The following NCAM1 variants were observed in gnomAD, a reference collection of about 807,000 sequenced individuals.
NCAM1 encodes antigen recognized by monoclonal antibody 5.1H11.
A neutral mutation model predicts 109.8 loss-of-function variants in NCAM1; 14 were observed. The observed-to-expected ratio is 0.13, with a 90% CI of 0.08 to 0.20. The LOEUF (loss-of-function observed/expected upper bound fraction) is 0.20. NCAM1 is among the 10% of genes least tolerant of loss of function. The pLI, the probability that NCAM1 is intolerant of heterozygous loss-of-function variation, is 1.00. For missense variants in NCAM1, 774 were observed against 1,109.9 expected (o/e 0.70, Z 4.30); for synonymous variants, 418 against 442.9 (o/e 0.94, Z 0.70).
In NCAM1 at chr11:113,113,410, C is replaced by A. The variant is rs182229759; in HGVS notation, c.53-88969C>A. On this transcript the variant is annotated intron_variant, in intron 1 of 19. Coordinates refer to ENST00000316851, the MANE Select transcript of NCAM1 (RefSeq NM_181351.5). ...TGCCCTATAGGAACTTGCCATTGTT[C>A]ATTTGAATTTGTTGACTTTGTTTCT... 4.9e-3 allele frequency among the ~76,000 whole-genome samples: 739 copies of A among 152,252 alleles called. 7 individuals carry two copies. The highest frequency in any genetic ancestry group is 0.026 in the South Asian group (126 of 4,824).
chr11:113,238,905 G>A (rs185709617), intron 14 of NCAM1, among the ~76,000 whole-genome samples: 179 of 152,324 alleles, frequency 1.2e-3, no homozygotes, highest in African/African-American at 3.6e-3. Flanking sequence ...TGTTGCTGCC[G>A]GACTCCTGGG....
intron 2 of NCAM1, among the ~76,000 whole-genome samples, chr11:113,202,880 T>G (rs753469483): frequency 5.3e-5 from 8 of 152,210 alleles, no homozygotes; most frequent in Non-Finnish European, 1.2e-4. Flanking sequence ...AATCTAAGTC[T>G]AAAACTTGCC....
At chr11:113,023,919 A>G (rs148232767) in intron 1 of NCAM1, among the ~76,000 whole-genome samples, 108 of 152,274 alleles carry the variant, frequency 7.1e-4, no homozygotes, top group African/African-American at 2.5e-3. Context: ...CTGCAAAAAA[A>G]AAAGGAAAAA....
intron 14 of NCAM1, among the ~76,000 whole-genome samples, chr11:113,242,471 G>A (rs997565812): frequency 2.6e-5 from 4 of 152,056 alleles, no homozygotes; most frequent in Non-Finnish European, 4.4e-5. Context: ...TTAGCCAGGC[G>A]TGGTGGCATG....
intron 1 of NCAM1, among the ~76,000 whole-genome samples, chr11:113,045,001 G>T (rs1338998485): frequency 6.6e-6 from 1 of 152,088 alleles, no homozygotes; most frequent in African/African-American, 2.4e-5. Context: ...TGATCCGCCC[G>T]CCTCGGCCTC....
Position 113,172,250 on chromosome 11 carries a change from G to A in NCAM1, c.53-30129G>A, listed in dbSNP as rs143418613. The stretch of plus-strand genomic sequence containing the variant: ...TTGTCCCGTCAGCCCAGGCTGGGTG[G>A]TGGTACTTCTTCCAAGCTGTCTGTT... On this transcript the variant is annotated intron_variant, in intron 1 of 19. Coordinates refer to ENST00000316851, the MANE Select transcript of NCAM1 (RefSeq NM_181351.5). 1.4e-4 allele frequency among the ~76,000 whole-genome samples: 21 copies of A among 152,322 alleles called. No individual in the cohort carries two copies. In the East Asian group the frequency reaches 3.9e-3, roughly 28 times the overall value.
chr11:113,262,828 A>G, intron 17 of NCAM1: 2 of 1,613,310 alleles, frequency 1.2e-6, no homozygotes, highest in South Asian at 1.1e-5. Context: ...CTGGGGACCC[A>G]TTGCTTGACA....
chr11:113,040,968 T>C (rs185236666), intron 1 of NCAM1: 1 of 152,356 alleles, frequency 6.6e-6, no homozygotes, highest in African/African-American at 2.4e-5. Context: ...TTCTGCCTAA[T>C]GTTATAATAT....
chr11:113,162,074 C>A (rs1294173757), intron 1 of NCAM1, among the ~76,000 whole-genome samples: 2 of 152,108 alleles, frequency 1.3e-5, no homozygotes, highest in Non-Finnish European at 1.5e-5. Flanking sequence ...AACAAACAAG[C>A]AATTATGGGG....
rs1946372141 is a variant in NCAM1 at position 113,274,998 on chromosome 11, A to C, written c.2457-269A>C. ...AGGAAAGGACTCGTTCTTCTGACTC[A>C]GTGCTTCTCAACTATGGCTGCACAT... On this transcript the variant is annotated intron_variant, in intron 19 of 19. Transcript: ENST00000316851. This position sits in a 1 kb window ranked among gnomAD's most constrained non-coding sequence, Gnocchi z 4.1. 6.6e-6 allele frequency among the ~76,000 whole-genome samples: 1 copy of C among 152,254 alleles called. No homozygotes were observed. The highest frequency in any genetic ancestry group is 2.1e-4 in the South Asian group (1 of 4,838).
At chr11:113,076,460 T>G (rs1197891585) in intron 1 of NCAM1, among the ~76,000 whole-genome samples, 1 of 152,160 alleles carries the variant, frequency 6.6e-6, no homozygotes, top group African/African-American at 2.4e-5. Context: ...AAATAATATA[T>G]GAAGAAGTAG....
rs782181053 is a variant in NCAM1 at position 113,255,878 on chromosome 11, G to A, written c.1830G>A (p.Gly610=). 155 of 1,612,312 alleles carry A rather than the reference G, an allele frequency of 9.6e-5. No homozygotes were observed. Among genetic ancestry groups the A allele is most frequent in the Non-Finnish European group, 1.3e-4 (148 of 1,179,362 alleles). The change falls in exon 16 of 20, where the codon GGG becomes GGA. Residue 610 remains glycine (G), a splice_region_variant and synonymous_variant. Transcript: ENST00000316851. ...ATGTGAATTAACTGGCTGTTTCAGG[G>A]GAACCCAGTGCACCTAAGCTCGAAG... is the stretch of plus-strand genomic sequence containing the variant. ...ASEFKTQPVQ[G]EPSAPKLEGQ...
At chr11:113,076,694 G>T (rs1938541143) in intron 1 of NCAM1, among the ~76,000 whole-genome samples, 1 of 152,110 alleles carries the variant, frequency 6.6e-6, no homozygotes, top group Non-Finnish European at 1.5e-5. Context: ...ATATTTATAT[G>T]TACCTCTCCC....
chr11:113,080,493 T>A (rs1460282079), intron 1 of NCAM1, among the ~76,000 whole-genome samples: 2 of 151,236 alleles, frequency 1.3e-5, no homozygotes, highest in African/African-American at 4.9e-5. Flanking sequence ...AAGGCCTGCC[T>A]GTCAGTCAAG....
At position 113,039,308 on chromosome 11, in the gene NCAM1, G is replaced by A. The variant is rs79715491; in HGVS notation, c.52+77644G>A. Reference sequence around the variant, plus strand: ...TCCTTTACTTATTAATGTGCTGCAGGAAACTTACTGGACGTGAGAGTTTGC... The same window carrying A: ...TCCTTTACTTATTAATGTGCTGCAGAAAACTTACTGGACGTGAGAGTTTGC... On this transcript the variant is annotated intron_variant, in intron 1 of 19. Transcript: ENST00000316851. 7.0e-3 allele frequency among the ~76,000 whole-genome samples: 1,072 copies of A among 152,292 alleles called. 18 individuals are homozygous for A. The highest frequency in any genetic ancestry group is 0.024 in the African/African-American group (1,011 of 41,556).
At chr11:113,109,616 G>A (rs1201359632) in intron 1 of NCAM1, among the ~76,000 whole-genome samples, 2 of 152,204 alleles carry the variant, frequency 1.3e-5, no homozygotes, top group African/African-American at 4.8e-5. Flanking sequence ...TCCATGGGCT[G>A]TGCTTTCAAG....
At chr11:113,094,984 GATTA>G (rs1227522579) in intron 1 of NCAM1, among the ~76,000 whole-genome samples, 2 of 152,148 alleles carry the variant, frequency 1.3e-5, no homozygotes, top group Admixed American at 6.5e-5. Flanking sequence ...GGTTTTGAAT[GATTA>G]ATTATTTTAT....
In NCAM1 at chr11:113,149,635, A is replaced by T. The variant is rs570076152; in HGVS notation, c.53-52744A>T. On this transcript the variant is annotated intron_variant, in intron 1 of 19. Coordinates refer to ENST00000316851, the MANE Select transcript of NCAM1 (RefSeq NM_181351.5). ...CTCTAAATAAAACTGTTTTTCTTTA[A>T]TTACAAATAGTGAGGAAAAATTTAT... Among the ~76,000 whole-genome samples, 170 of 152,336 alleles carry T rather than the reference A, an allele frequency of 1.1e-3. 1 individual carries two copies. The highest frequency in any genetic ancestry group is 8.9e-3 in the South Asian group (43 of 4,824).
At chr11:113,132,210 AGTT>A in intron 1 of NCAM1, among the ~76,000 whole-genome samples, 1 of 152,288 alleles carries the variant, frequency 6.6e-6, no homozygotes, top group South Asian at 2.1e-4. Flanking sequence ...AGGTCAGCTG[AGTT>A]GTTAGCATAT....
Sources: allele counts gnomAD v4.1 joint callset (sites outside exome capture counted in the v4.1 genomes callset), GRCh38; gene constraint gnomAD v4.1.1; non-coding constraint Gnocchi (gnomAD v3.1); transcripts MANE v1.5; gene names NCBI Gene and HGNC (gene_info 2026-07-23, HGNC 2026-07-21).